The following SMYD3 variants were observed in gnomAD, a reference collection of about 807,000 sequenced individuals.
SMYD3 encodes the protein SET and MYND domain containing 3.
Under a neutral mutation model 57.7 loss-of-function variants are expected in SMYD3, and 36 were observed. The observed-to-expected ratio is 0.62, with a 90% confidence interval of 0.48 to 0.82. SMYD3 has a LOEUF of 0.82. Ranked by LOEUF, SMYD3 falls within the 40% of genes least tolerant of loss-of-function variation. The pLI, the probability that SMYD3 is intolerant of heterozygous loss-of-function variation, is 0.00. For synonymous variants in SMYD3, 211 were observed against 195.0 expected (o/e 1.08, Z -0.68); for missense variants, 515 against 538.8 (o/e 0.96, Z 0.44).
chr1:246,079,446 T>G (rs192928397), intron 5 of SMYD3, among the ~76,000 whole-genome samples: 21 of 152,344 alleles, frequency 1.4e-4, no homozygotes, highest in African/African-American at 5.1e-4. Context: ...TATGATAAAT[T>G]TAAAGTCTAA....
intron 5 of SMYD3, among the ~76,000 whole-genome samples, chr1:246,288,453 C>CA (rs1257309882): frequency 3.9e-5 from 6 of 152,122 alleles, no homozygotes; most frequent in African/African-American, 1.4e-4. Context: ...GTATGTTATG[C>CA]AGTGGATCCT....
intron 5 of SMYD3, among the ~76,000 whole-genome samples, chr1:246,232,145 C>T (rs1044697351): frequency 1.3e-5 from 2 of 149,718 alleles, no homozygotes; most frequent in African/African-American, 2.4e-5. Flanking sequence ...GTAATAAATC[C>T]AATGGAAGCT....
rs2057639117 is a variant in SMYD3 at position 245,951,412 on chromosome 1, A to T, written c.532-21475T>A. Among the ~76,000 whole-genome samples the T allele has an allele frequency of 1.4e-5, 2 of 138,076 alleles. 1 individual carries two copies. Among genetic ancestry groups the T allele is most frequent in the African/African-American group, 6.0e-5 (2 of 33,368 alleles). The allele number at this position is 138,076 out of a possible 152,430, so 90.6% of individuals were successfully genotyped here. On this transcript the variant is annotated intron_variant, in intron 5 of 11. Transcript: ENST00000490107. The stretch of plus-strand genomic sequence containing the variant: ...GTGAAACCCCATCTCTACTAAAAAT[A>T]CAAAAAATTAGCTGGGCGAGGTGGT...
intron 5 of SMYD3, among the ~76,000 whole-genome samples, chr1:246,092,984 A>G (rs1360154547): frequency 6.6e-6 from 1 of 152,162 alleles, no homozygotes; most frequent in Non-Finnish European, 1.5e-5. Flanking sequence ...TTTTCAGAAG[A>G]CAAATGCCCA....
chr1:245,868,135 T>G (rs575184192), intron 8 of SMYD3, among the ~76,000 whole-genome samples: 2 of 152,234 alleles, frequency 1.3e-5, no homozygotes, highest in Non-Finnish European at 2.9e-5. Flanking sequence ...TTGTGTTTAT[T>G]TCAGTTATTC....
At chr1:246,252,230 G>A (rs2063808788) in intron 5 of SMYD3, among the ~76,000 whole-genome samples, 1 of 147,554 alleles carries the variant, frequency 6.8e-6, no homozygotes, top group Non-Finnish European at 1.5e-5. Flanking sequence ...CGCGGACACT[G>A]CGCCCGGCTT....
At chr1:245,930,501 A>G (rs747999200) in intron 5 of SMYD3, 16 of 277,744 alleles carry the variant, frequency 5.8e-5, no homozygotes, top group African/African-American at 9.0e-5. Flanking sequence ...GGAGTCCATC[A>G]CTGGGTACAT....
At chr1:246,368,707 G>C (rs2066146363) in intron 1 of SMYD3, among the ~76,000 whole-genome samples, 2 of 152,136 alleles carry the variant, frequency 1.3e-5, no homozygotes, top group Non-Finnish European at 2.9e-5. Flanking sequence ...CCCTCAACCT[G>C]GGTGGGCACC....
chr1:245,924,809 T>C (rs539755936), intron 7 of SMYD3, among the ~76,000 whole-genome samples: 3 of 152,066 alleles, frequency 2.0e-5, no homozygotes, highest in South Asian at 2.1e-4. Context: ...ATTACAGGTG[T>C]GCGCCACCAC....
At chr1:246,080,673 G>T (rs1281018010) in intron 5 of SMYD3, among the ~76,000 whole-genome samples, 1 of 152,096 alleles carries the variant, frequency 6.6e-6, no homozygotes, top group African/African-American at 2.4e-5. Flanking sequence ...ATACAAAGGA[G>T]GAAATCCTTA....
chr1:245,803,573 C>A (rs1558358501), intron 10 of SMYD3, among the ~76,000 whole-genome samples: 1 of 152,150 alleles, frequency 6.6e-6, no homozygotes, highest in Non-Finnish European at 1.5e-5. Flanking sequence ...AGATGGACGA[C>A]AACTCAAATG....
chr1:246,362,644 G>A (rs935991850), intron 1 of SMYD3, among the ~76,000 whole-genome samples: 28 of 152,238 alleles, frequency 1.8e-4, no homozygotes, highest in African/African-American at 5.5e-4. Flanking sequence ...TATTTTTTTG[G>A]TGGAGACGGG....
intron 1 of SMYD3, among the ~76,000 whole-genome samples, chr1:246,448,704 T>TAAAAA (rs1553349829): frequency 0.028 from 2,304 of 81,366 alleles, 85 homozygotes; most frequent in Middle Eastern, 0.061. Flanking sequence ...CTCTTTTTTT[T>TAAAAA]AAAAAAAAAA....
chr1:246,248,143 T>C (rs2063739463), intron 5 of SMYD3, among the ~76,000 whole-genome samples: 1 of 152,266 alleles, frequency 6.6e-6, no homozygotes, highest in African/African-American at 2.4e-5. Context: ...GATAAGGTGT[T>C]TGGAGGAAAT....
At position 246,355,354 on chromosome 1, in the gene SMYD3, G is replaced by A. The variant is rs769809955; in HGVS notation, c.165-260C>T. Reference sequence around the variant, plus strand: ...CAGGACCAGCTTGCAGCTCCCGATCGGACAGACAGAGCAGCGTGTGGGGAC... The same window carrying A: ...CAGGACCAGCTTGCAGCTCCCGATCAGACAGACAGAGCAGCGTGTGGGGAC... On this transcript the variant is annotated intron_variant, in intron 1 of 11. Transcript: ENST00000490107. This position sits in a 1 kb window ranked among gnomAD's most constrained non-coding sequence, Gnocchi z 5.0. 3.6e-4 allele frequency: 166 copies of A among 458,614 alleles called. No homozygotes were observed. The highest frequency in any genetic ancestry group is 5.5e-4 in the Non-Finnish European group (140 of 253,632). The allele number at this position is 458,614 out of a possible 1,614,324, so 28.4% of individuals were successfully genotyped here.
intron 5 of SMYD3, among the ~76,000 whole-genome samples, chr1:246,070,515 G>A (rs1484284685): frequency 6.6e-6 from 1 of 152,110 alleles, no homozygotes; most frequent in African/African-American, 2.4e-5. Context: ...AAAAGCTTCA[G>A]GGTACTACAA....
Position 246,330,458 on chromosome 1 carries a change from A to G in SMYD3, c.394+22T>C, listed in dbSNP as rs1007842574. 2.0e-6 allele frequency: 3 copies of G among 1,531,784 alleles called. No individual in the cohort carries two copies. The African/African-American group carries it at 4.2e-5, about 21-fold the overall frequency. The allele number at this position is 1,531,784 out of a possible 1,614,324, so 94.9% of individuals were successfully genotyped here. ...AACAAATTATAGAAACTTTTTTAAG[A>G]TGCTGATAGACAATCACTTACTTGA... On this transcript the variant is annotated intron_variant, in intron 4 of 11. Coordinates refer to ENST00000490107, the MANE Select transcript of SMYD3 (RefSeq NM_001167740.2).
intron 5 of SMYD3, among the ~76,000 whole-genome samples, chr1:246,093,045 T>A (rs762204995): frequency 1.4e-4 from 22 of 151,742 alleles, no homozygotes; most frequent in Admixed American, 2.6e-4. Context: ...GAAATGCAAA[T>A]CAAAACCATA....
At chr1:246,491,935 CA>C (rs1164813753) in intron 1 of SMYD3, among the ~76,000 whole-genome samples, 5 of 152,218 alleles carry the variant, frequency 3.3e-5, no homozygotes, top group African/African-American at 1.2e-4. Context: ...CAACTCTGTT[CA>C]ACTACCGATG....
Sources: allele counts gnomAD v4.1 joint callset (sites outside exome capture counted in the v4.1 genomes callset), GRCh38; gene constraint gnomAD v4.1.1; non-coding constraint Gnocchi (gnomAD v3.1); transcripts MANE v1.5; gene names NCBI Gene and HGNC (gene_info 2026-07-23, HGNC 2026-07-21).